The following ANO4 variants were observed in gnomAD, a reference collection of about 807,000 sequenced individuals.
ANO4 encodes the protein anoctamin 4.
Under a neutral mutation model 141.9 loss-of-function variants are expected in ANO4, and 69 were observed. The ratio of observed to expected loss-of-function variants is 0.49; its 90% CI spans 0.40 to 0.59. The LOEUF is 0.59. Among genes scored for constraint, ANO4 ranks in the 20% least tolerant of loss-of-function variants. The pLI is 0.00. For synonymous variants in ANO4, 350 were observed against 394.3 expected, an observed-to-expected ratio of 0.89 and a Z score of 1.33; for missense variants, 894 against 1,162.2, an observed-to-expected ratio of 0.77 and a Z score of 3.36.
chr12:100,939,472 A>G (rs1371389728), intron 4 of ANO4, 21 bp downstream of exon 4: 2 of 1,609,062 alleles, frequency 1.2e-6, no homozygotes, highest in East Asian at 4.5e-5. Context: ...ATGATTTCTT[A>G]CAAATGTAAT....
At chr12:101,085,324 T>G (rs1024942844) in intron 16 of ANO4, among the ~76,000 whole-genome samples, 18 of 152,276 alleles carry the variant, frequency 1.2e-4, no homozygotes, top group Non-Finnish European at 2.5e-4. Flanking sequence ...CAGCCCTATG[T>G]GTCTGTGGGT....
intron 7 of ANO4, 59 bp from the exon 8 acceptor site, chr12:100,987,480 G>T: frequency 6.3e-7 from 1 of 1,586,188 alleles, no homozygotes; most frequent in Non-Finnish European, 8.6e-7. Flanking sequence ...CCTTCCTCCT[G>T]TGTTTCAGGG....
intron 1 of ANO4, among the ~76,000 whole-genome samples, chr12:100,896,157 A>C (rs756625275): frequency 6.6e-6 from 1 of 152,118 alleles, no homozygotes; most frequent in African/African-American, 2.4e-5. Flanking sequence ...TCCACATTCT[A>C]ATTCCCAGAA....
chr12:101,006,878 T>C (rs982991032), intron 8 of ANO4, among the ~76,000 whole-genome samples: 1 of 152,194 alleles, frequency 6.6e-6, no homozygotes, highest in Non-Finnish European at 1.5e-5. Flanking sequence ...TTGCAAACTT[T>C]TGATTCTTAA....
chr12:100,797,348 C>T (rs1478397600), intron 1 of ANO4, among the ~76,000 whole-genome samples: 3 of 143,558 alleles, frequency 2.1e-5, no homozygotes, highest in East Asian at 4.1e-4. Flanking sequence ...TTAAGAATTT[C>T]TTTGAATTGG....
intron 9 of ANO4, among the ~76,000 whole-genome samples, chr12:101,033,964 C>T (rs1203040928): frequency 1.3e-5 from 2 of 151,978 alleles, no homozygotes; most frequent in African/African-American, 4.8e-5. Flanking sequence ...GTCAGAATGG[C>T]GATTATTTAA....
intron 9 of ANO4, among the ~76,000 whole-genome samples, chr12:101,035,287 G>T (rs2047150004): frequency 6.6e-6 from 1 of 152,128 alleles, no homozygotes; most frequent in African/African-American, 2.4e-5. Flanking sequence ...AAGAGTAAAT[G>T]TTATATGATT....
intron 1 of ANO4, among the ~76,000 whole-genome samples, chr12:100,814,277 A>G (rs1351006350): frequency 6.6e-6 from 1 of 152,202 alleles, no homozygotes; most frequent in Non-Finnish European, 1.5e-5. Context: ...ATAGAATTCA[A>G]TAAGTTATAG....
At position 100,950,640 on chromosome 12, in the gene ANO4, A is replaced by G. The variant is rs371421536; in HGVS notation, c.456+8105A>G. ...AAAAGCATGGCCTCAGCTGGACACTACCTTCAGCCTGATCCCACAGGGGAA... is the reference window on the plus strand; with the variant it reads ...AAAAGCATGGCCTCAGCTGGACACTGCCTTCAGCCTGATCCCACAGGGGAA... On this transcript the variant is annotated intron_variant, in intron 5 of 27. Transcript: ENST00000392977. Among the ~76,000 whole-genome samples the G allele has an allele frequency of 3.9e-5, 6 of 152,310 alleles. No individual in the cohort carries two copies. In the East Asian group the frequency reaches 9.7e-4, roughly 25 times the overall value.
intron 1 of ANO4, among the ~76,000 whole-genome samples, chr12:100,729,066 A>G (rs1292074773): frequency 6.6e-6 from 1 of 151,938 alleles, no homozygotes; most frequent in Non-Finnish European, 1.5e-5. Flanking sequence ...TTTACCATCC[A>G]TTATGCAGTA....
At chr12:100,966,322 C>T (rs974682245) in intron 5 of ANO4, among the ~76,000 whole-genome samples, 5 of 152,148 alleles carry the variant, frequency 3.3e-5, no homozygotes, top group Admixed American at 6.5e-5. Context: ...GCATTGCTAT[C>T]ATTTCCTATT....
intron 1 of ANO4, among the ~76,000 whole-genome samples, chr12:100,824,760 T>A (rs1263281361): frequency 1.3e-5 from 2 of 152,076 alleles, no homozygotes; most frequent in Non-Finnish European, 2.9e-5. Flanking sequence ...GGAAATGGCT[T>A]CACAGACCGG....
Position 101,042,472 on chromosome 12 carries a change from C to T in ANO4, c.1154+4C>T, listed in dbSNP as rs1018205677. On this transcript the variant is annotated splice_donor_region_variant and intron_variant, in intron 12 of 27. Coordinates refer to ENST00000392977, the MANE Select transcript of ANO4 (RefSeq NM_001286615.2). ...CTCTGGATCACAGCCAAGTCAGGTA[C>T]GGGGAGCTCTTGGATGAGTTTGCCT... 5.0e-6 allele frequency: 8 copies of T among 1,613,954 alleles called. No homozygotes were observed. The highest frequency in any genetic ancestry group is 4.0e-5 in the African/African-American group (3 of 75,018).
intron 3 of ANO4, among the ~76,000 whole-genome samples, chr12:100,926,602 T>TTGTG (rs3059281): frequency 0.026 from 3,854 of 147,474 alleles, 104 homozygotes; most frequent in African/African-American, 0.074. Context: ...AAGGGTGTGT[T>TTGTG]TGTGTGTGTG....
intron 10 of ANO4, chr12:101,039,051 C>T (rs2047313015): frequency 6.6e-6 from 1 of 152,180 alleles, no homozygotes; most frequent in African/African-American, 2.4e-5. Context: ...ACTTCTCTGG[C>T]CCTTTGTCTC....
At chr12:100,931,036 T>C (rs988342877) in intron 3 of ANO4, among the ~76,000 whole-genome samples, 4 of 152,106 alleles carry the variant, frequency 2.6e-5, no homozygotes, top group African/African-American at 9.7e-5. Flanking sequence ...TCTAATTGCT[T>C]TATTTATTTA....
intron 5 of ANO4, among the ~76,000 whole-genome samples, chr12:100,967,318 T>C (rs2043715729): frequency 1.3e-5 from 2 of 152,126 alleles, no homozygotes. Context: ...CTTGGATTTA[T>C]GTGGCAAGGA....
Position 100,939,342 on chromosome 12 carries a change from A to T in ANO4, c.188A>T (p.Asp63Val). The change falls in exon 4 of 28, where the codon GAT (aspartate) becomes GTT (valine). Residue 63 changes from aspartate to valine, a missense_variant. Asp to Val is a radical substitution (Grantham distance 152). This residue lies in a region of ANO4 where 257 missense variants were observed against 253.0 expected (regional missense o/e 1.02). Transcript: ENST00000392977. The part of the protein sequence containing the change: ...EMAKDVNILF[D>V]ELEAVSSPCK... ...GCCAAGGATGTCAATATTCTTTTTG[A>T]TGAATTAGAAGCTGTCAGCAGTCCT... 1 of 1,613,300 alleles carries T rather than the reference A, an allele frequency of 6.2e-7. No homozygotes were observed. Among genetic ancestry groups the T allele is most frequent in the South Asian group, 1.1e-5 (1 of 90,992 alleles).
intron 5 of ANO4, among the ~76,000 whole-genome samples, chr12:100,968,633 T>C (rs2043787532): frequency 6.6e-6 from 1 of 152,188 alleles, no homozygotes; most frequent in South Asian, 2.1e-4. Flanking sequence ...AGATCTGAAG[T>C]ATATCTTCAT....
Sources: gnomAD v4.1 joint callset for allele counts (sites outside exome capture counted in the v4.1 genomes callset) on GRCh38, gnomAD v4.1.1 for gene constraint, gnomAD v4.1.1 regional missense constraint, MANE v1.5 for transcripts, NCBI Gene and HGNC (gene_info 2026-07-23, HGNC 2026-07-21) for gene names.